The following MAGI2 variants were observed in gnomAD, a reference collection of about 807,000 sequenced individuals.
The protein encoded by MAGI2 is membrane-associated guanylate kinase, WW and PDZ domain-containing protein 2.
In MAGI2, 35 loss-of-function variants were observed where a neutral mutation model predicts 133.3. The ratio of observed to expected loss-of-function variants is 0.26; its 90% CI spans 0.20 to 0.35. MAGI2 has a LOEUF of 0.35. MAGI2 is among the 10% of genes least tolerant of loss of function. The pLI, the probability that MAGI2 is intolerant of heterozygous loss-of-function variation, is 1.00. For missense variants in MAGI2, 1,636 were observed against 1,863.4 expected (o/e 0.88, Z 2.25); for synonymous variants, 729 against 710.6 (o/e 1.03, Z -0.41).
At chr7:78,998,898 T>C (rs181367621) in intron 2 of MAGI2, among the ~76,000 whole-genome samples, 4 of 152,258 alleles carry the variant, frequency 2.6e-5, no homozygotes, top group Admixed American at 2.6e-4. Flanking sequence ...CAGTAAGATG[T>C]GTTGACCTTC....
intron 2 of MAGI2, among the ~76,000 whole-genome samples, chr7:78,649,236 G>A (rs2885658): frequency 0.17 from 13,959 of 80,952 alleles, 76 homozygotes; most frequent in African/African-American, 0.21. Flanking sequence ...AAAAAAAAAA[G>A]AAAAAAAAAG....
chr7:78,971,053 T>TA (rs1167271815), intron 2 of MAGI2, among the ~76,000 whole-genome samples: 1 of 152,040 alleles, frequency 6.6e-6, no homozygotes, highest in East Asian at 1.9e-4. Context: ...TCTAATAAAT[T>TA]AAAAAATGAT....
At chr7:79,390,002 T>G (rs1844482633) in intron 1 of MAGI2, among the ~76,000 whole-genome samples, 1 of 152,152 alleles carries the variant, frequency 6.6e-6, no homozygotes, top group Admixed American at 6.5e-5. Context: ...TTTATGAAAT[T>G]TATATTTTAA....
At chr7:79,024,294 T>C (rs1435028554) in intron 1 of MAGI2, among the ~76,000 whole-genome samples, 1 of 152,006 alleles carries the variant, frequency 6.6e-6, no homozygotes, top group Admixed American at 6.6e-5. Flanking sequence ...AGAAGATTGA[T>C]ACCGGACCCC....
chr7:78,276,575 T>C (rs1795079555), intron 9 of MAGI2, among the ~76,000 whole-genome samples: 2 of 152,128 alleles, frequency 1.3e-5, no homozygotes, highest in Admixed American at 1.3e-4. Context: ...TTTACTAATT[T>C]TTTTTAAATC....
chr7:79,232,447 A>C, intron 1 of MAGI2, among the ~76,000 whole-genome samples: 1 of 147,020 alleles, frequency 6.8e-6, no homozygotes, highest in Admixed American at 6.8e-5. Flanking sequence ...TTGGTAAACT[A>C]TTGATTATTG....
intron 3 of MAGI2, among the ~76,000 whole-genome samples, chr7:78,610,140 A>C (rs552216645): frequency 2.3e-4 from 35 of 152,176 alleles, no homozygotes; most frequent in Non-Finnish European, 4.1e-4. Flanking sequence ...CATATTGGAT[A>C]CTAATTCAGA....
intron 2 of MAGI2, among the ~76,000 whole-genome samples, chr7:78,966,400 G>A (rs1357431895): frequency 6.6e-6 from 1 of 152,008 alleles, no homozygotes; most frequent in African/African-American, 2.4e-5. Flanking sequence ...GCCTATTTAA[G>A]ATATCTCATG....
chr7:78,319,326 C>T (rs1020627403), intron 9 of MAGI2, among the ~76,000 whole-genome samples: 1 of 151,586 alleles, frequency 6.6e-6, no homozygotes, highest in African/African-American at 2.4e-5. Context: ...AACAAAAAAA[C>T]AGGGGTTGCA....
At chr7:78,131,177 T>G (rs1821523764) in intron 18 of MAGI2, among the ~76,000 whole-genome samples, 1 of 152,216 alleles carries the variant, frequency 6.6e-6, no homozygotes, top group Non-Finnish European at 1.5e-5. Flanking sequence ...TCTGTTGAAG[T>G]GATAGATGTT....
At chr7:78,958,956 T>C (rs1364989197) in intron 2 of MAGI2, among the ~76,000 whole-genome samples, 3 of 152,172 alleles carry the variant, frequency 2.0e-5, no homozygotes, top group African/African-American at 7.2e-5. Flanking sequence ...GAAAATTCTT[T>C]GTTGCATGCT....
chr7:78,325,417 G>A (rs947029102), intron 9 of MAGI2, among the ~76,000 whole-genome samples: 4 of 152,152 alleles, frequency 2.6e-5, no homozygotes, highest in Non-Finnish European at 5.9e-5. Flanking sequence ...AGATATTAAA[G>A]CACCTTAATT....
At chr7:78,600,314 A>C (rs191661511) in intron 3 of MAGI2, among the ~76,000 whole-genome samples, 14 of 152,292 alleles carry the variant, frequency 9.2e-5, no homozygotes, top group African/African-American at 3.4e-4. Flanking sequence ...TTTTAGAAGA[A>C]GACATATAGA....
intron 1 of MAGI2, among the ~76,000 whole-genome samples, chr7:79,154,949 C>T (rs1013009100): frequency 1.3e-5 from 2 of 152,186 alleles, no homozygotes; most frequent in African/African-American, 2.4e-5. Context: ...TGCACAATTC[C>T]CTTCACACTA....
At chr7:78,478,730 A>C (rs1792044351) in intron 6 of MAGI2, among the ~76,000 whole-genome samples, 1 of 151,980 alleles carries the variant, frequency 6.6e-6, no homozygotes, top group South Asian at 2.1e-4. Flanking sequence ...TGGAAAGAAG[A>C]AGGCAGGAAT....
At chr7:78,653,965 T>C (rs1314601879) in intron 2 of MAGI2, among the ~76,000 whole-genome samples, 1 of 152,186 alleles carries the variant, frequency 6.6e-6, no homozygotes, top group Non-Finnish European at 1.5e-5. Flanking sequence ...TATTCAATAA[T>C]GAATATTGCT....
chr7:78,078,567 T>G (rs771935181), intron 21 of MAGI2: 8 of 307,174 alleles, frequency 2.6e-5, no homozygotes, highest in Non-Finnish European at 4.7e-5. Flanking sequence ...ATAAACAATG[T>G]TAGGAAATAA....
chr7:79,426,122 G>A (rs1329744967), intron 1 of MAGI2, among the ~76,000 whole-genome samples: 1 of 152,136 alleles, frequency 6.6e-6, no homozygotes, highest in Non-Finnish European at 1.5e-5. Context: ...TTAGTGTGGA[G>A]CTGTCTGTAA....
At chr7:78,499,489 G>T (rs747927791) in intron 5 of MAGI2, among the ~76,000 whole-genome samples, 1 of 152,114 alleles carries the variant, frequency 6.6e-6, no homozygotes, top group Non-Finnish European at 1.5e-5. Flanking sequence ...GCTGACTGAC[G>T]AGTCATAGAA....
Sources: allele counts gnomAD v4.1 joint callset (sites outside exome capture counted in the v4.1 genomes callset), GRCh38; gene constraint gnomAD v4.1.1; transcripts MANE v1.5; gene names NCBI Gene and HGNC (gene_info 2026-07-23, HGNC 2026-07-21).